Variants in HMGB4 observed in about 807,000 individuals in gnomAD.
HMGB4 encodes high mobility group box 4.
For missense variants in HMGB4, 217 were observed against 220.4 expected, an observed-to-expected ratio of 0.98 and a Z score of 0.10; for synonymous variants, 82 against 84.9, an observed-to-expected ratio of 0.97 and a Z score of 0.19.
upstream of HMGB4, among the ~76,000 whole-genome samples, chr1:33,861,799 G>T (rs1172068251): frequency 1.3e-5 from 2 of 152,318 alleles, no homozygotes; most frequent in South Asian, 2.1e-4. Flanking sequence ...GGCAATGCCT[G>T]TACTGGAAGG....
Position 33,864,266 on chromosome 1 carries a change from C to T in HMGB4, c.75C>T (p.Asn25=), listed in dbSNP as rs749404327. 6.0e-5 allele frequency: 97 copies of T among 1,613,612 alleles called. No individual in the cohort carries two copies. The highest frequency in any genetic ancestry group is 7.9e-5 in the Non-Finnish European group (93 of 1,179,944). The change falls in exon 1 of 1, where the codon AAC becomes AAT. Residue 25 remains asparagine (N), a synonymous_variant. Coordinates refer to ENST00000681531, the MANE Select transcript of HMGB4 (RefSeq NM_001379301.1). ...TTCACTTTTTGCTGAATTACAGAAA[C>T]AAATTCAAGGAGCAGCAGCCAAATA... The part of the protein sequence containing the change: ...SYVHFLLNYR[N]KFKEQQPNTY...
At chr1:33,860,577 G>A (rs939298494), upstream of HMGB4, 2 of 152,108 alleles carry the variant, frequency 1.3e-5, no homozygotes, top group East Asian at 3.8e-4. Context: ...CACTGGAGAG[G>A]GGGAGTGCCA....
At chr1:33,863,271 A>T (rs540313493), upstream of HMGB4, 2 of 152,192 alleles carry the variant, frequency 1.3e-5, no homozygotes, top group Non-Finnish European at 2.9e-5. Flanking sequence ...AGACTAGTGG[A>T]ATATCTGCAA....
At position 33,864,626 on chromosome 1, in the gene HMGB4, A is replaced by T; in HGVS notation, c.435A>T (p.Arg145Ser). ...TDLEKHPYEQ[R>S]VALLRAKYFE... The stretch of plus-strand genomic sequence containing the variant: ...TGGAGAAGCACCCTTATGAGCAAAG[A>T]GTGGCTCTCCTGAGAGCTAAGTACT... Residue 145 changes from arginine to serine, a missense_variant, in exon 1 of 1, where the codon AGA (arginine) becomes AGT (serine). Coordinates refer to ENST00000681531, the MANE Select transcript of HMGB4 (RefSeq NM_001379301.1). 9 of 1,613,962 alleles carry T rather than the reference A, an allele frequency of 5.6e-6. No homozygotes were observed. Among genetic ancestry groups the T allele is most frequent in the Non-Finnish European group, 7.6e-6 (9 of 1,179,978 alleles).
In HMGB4 at chr1:33,864,459, C is replaced by A. The variant is rs747612103; in HGVS notation, c.268C>A (p.Pro90Thr). The change falls in exon 1 of 1, where the codon CCC becomes ACC. Residue 90 changes from proline to threonine, a missense_variant. By Grantham distance (38) the Pro-to-Thr change is conservative. Coordinates refer to ENST00000681531, the MANE Select transcript of HMGB4 (RefSeq NM_001379301.1). ...GKRKKRRKRD[P>T]QEPRRPPSSF... Reference sequence around the variant, plus strand: ...GAGGAAGAAACGGAGAAAGCGGGATCCCCAGGAACCCAGACGGCCTCCATC... The same window carrying A: ...GAGGAAGAAACGGAGAAAGCGGGATACCCAGGAACCCAGACGGCCTCCATC... 3 of 1,613,640 alleles carry A rather than the reference C, an allele frequency of 1.9e-6. No individual in the cohort carries two copies. Among genetic ancestry groups the A allele is most frequent in the Non-Finnish European group, 2.5e-6 (3 of 1,179,726 alleles).
chr1:33,863,037 A>C (rs1639664453), upstream of HMGB4: 2 of 152,218 alleles, frequency 1.3e-5, no homozygotes, highest in Non-Finnish European at 2.9e-5. Flanking sequence ...GCTTAGGTCA[A>C]GCAATCAGCC....
At chr1:33,861,715 G>C (rs948891512), upstream of HMGB4, among the ~76,000 whole-genome samples, 1 of 152,186 alleles carries the variant, frequency 6.6e-6, no homozygotes, top group African/African-American at 2.4e-5. Flanking sequence ...CAGAGTGTGG[G>C]AAAGTAGCAG....
upstream of HMGB4, chr1:33,863,219 C>T (rs1192514425): frequency 6.6e-6 from 1 of 152,212 alleles, no homozygotes; most frequent in Non-Finnish European, 1.5e-5. Context: ...CAAAGGCCCC[C>T]AGAATGACAC....
At chr1:33,861,776 G>A (rs571490696), upstream of HMGB4, among the ~76,000 whole-genome samples, 26 of 152,264 alleles carry the variant, frequency 1.7e-4, no homozygotes, top group Non-Finnish European at 7.4e-5. Flanking sequence ...GGCAGGAGGA[G>A]ATAAAGAAAG....
upstream of HMGB4, chr1:33,864,008 C>A: frequency 1.7e-6 from 1 of 590,660 alleles, no homozygotes; most frequent in South Asian, 2.2e-5. Context: ...TGGATGATGT[C>A]ACAGTTTCCC....
At chr1:33,863,884 C>T (rs1213940046), upstream of HMGB4, 2 of 286,350 alleles carry the variant, frequency 7.0e-6, no homozygotes, top group African/African-American at 4.5e-5. Context: ...TCATAGCCTA[C>T]TATGAATGAA....
Position 33,864,104 on chromosome 1 carries a change from A to T in HMGB4, c.-88A>T. ...AGACAGAAAAATTCGCTGCAAGTAC[A>T]GCACTTTCTAGATTGCTCCTGGAGT... On this transcript the variant is annotated 5_prime_UTR_variant, in exon 1 of 1. Coordinates refer to ENST00000681531, the MANE Select transcript of HMGB4 (RefSeq NM_001379301.1). The T allele has an allele frequency of 7.7e-7, 1 of 1,306,922 alleles. No individual in the cohort carries two copies. The highest frequency in any genetic ancestry group is 1.1e-6 in the Non-Finnish European group (1 of 947,164). 81.0% of individuals were successfully genotyped at this position (1,306,922 alleles called of 1,614,324 possible). A position where few individuals can be genotyped will look rare whatever the true frequency, so the allele number is the denominator to read the frequency against.
chr1:33,861,837 T>A (rs986458128), upstream of HMGB4, among the ~76,000 whole-genome samples: 34 of 152,288 alleles, frequency 2.2e-4, no homozygotes, highest in African/African-American at 7.2e-4. Context: ...GGACACCTTA[T>A]GAGGACCAGT....
rs1639817189 is a variant in HMGB4 at position 33,864,504 on chromosome 1, C to T, written c.313C>T (p.Gln105Ter). ...RPPSSFLLFC[Q>*]DHYAQLKREN... ...TCCATCATCCTTCCTACTCTTCTGCCAAGACCACTATGCTCAGCTGAAGAG... is the reference window on the plus strand; with the variant it reads ...TCCATCATCCTTCCTACTCTTCTGCTAAGACCACTATGCTCAGCTGAAGAG... Residue 105 changes from glutamine to a stop codon, truncating the protein, a stop_gained, in exon 1 of 1, where the codon CAA becomes TAA. Transcript: ENST00000681531. LOFTEE classifies it low-confidence loss of function (END_TRUNC). 7 of 1,614,038 alleles carry T rather than the reference C, an allele frequency of 4.3e-6. No homozygotes were observed. The highest frequency in any genetic ancestry group is 5.9e-6 in the Non-Finnish European group (7 of 1,179,934).
upstream of HMGB4, among the ~76,000 whole-genome samples, chr1:33,861,712 T>C (rs1639524870): frequency 6.6e-6 from 1 of 152,082 alleles, no homozygotes; most frequent in Admixed American, 6.5e-5. Flanking sequence ...GGGCAGAGTG[T>C]GGGAAAGTAG....
chr1:33,862,341 C>CTGTGTGTG (rs1491541831), upstream of HMGB4: 8 of 60,644 alleles, frequency 1.3e-4, no homozygotes, highest in Admixed American at 9.4e-4. Flanking sequence ...AGATAAGCTA[C>CTGTGTGTG]TCTGTGTGTG....
chr1:33,864,717 A>G lies in HMGB4; in HGVS notation c.526A>G (p.Asn176Asp). The change falls in exon 1 of 1, where the codon AAC (asparagine) becomes GAC (aspartate). Residue 176 changes from asparagine to aspartate, a missense_variant. Transcript: ENST00000681531. ...GAAGAAGTACCGAATGTCAGCTAGA[A>G]ACCGGTGCAGAGGGAAAAGAGTCAG... ...ARKKYRMSAR[N>D]RCRGKRVRQS 4 of 1,612,910 alleles carry G rather than the reference A, an allele frequency of 2.5e-6. No individual in the cohort carries two copies. Among genetic ancestry groups the G allele is most frequent in the Non-Finnish European group, 3.4e-6 (4 of 1,179,652 alleles).
rs1416147904 is a variant in HMGB4, at chr1:33,864,170, G to A, written c.-22G>A. On this transcript the variant is annotated 5_prime_UTR_variant, in exon 1 of 1. Transcript: ENST00000681531. ...TCTCCTGTCCACGTTACTGAATCCAGAAAAAAGGTGAACTTACGAACATGG... is the reference window on the plus strand; with the variant it reads ...TCTCCTGTCCACGTTACTGAATCCAAAAAAAAGGTGAACTTACGAACATGG... The A allele has an allele frequency of 8.9e-6, 14 of 1,573,214 alleles. No homozygotes were observed. Among genetic ancestry groups the A allele is most frequent in the Non-Finnish European group, 1.0e-5 (12 of 1,165,014 alleles).
At chr1:33,860,537 C>T (rs1275475477), upstream of HMGB4, 1 of 152,150 alleles carries the variant, frequency 6.6e-6, no homozygotes, top group Non-Finnish European at 1.5e-5. Flanking sequence ...ATGTTCTATT[C>T]ATTAGTAGTG....
Sources: allele counts gnomAD v4.1 joint callset (sites outside exome capture counted in the v4.1 genomes callset), GRCh38; gene constraint gnomAD v4.1.1; transcripts MANE v1.5; gene names NCBI Gene and HGNC (gene_info 2026-07-23, HGNC 2026-07-21).